The following NUCB2 variants were observed in gnomAD, a reference collection of about 807,000 sequenced individuals.
NUCB2 encodes the protein nucleobindin-2.
Under a neutral mutation model 57.9 loss-of-function variants are expected in NUCB2, and 48 were observed. The ratio of observed to expected loss-of-function variants is 0.83; its 90% CI spans 0.66 to 1.05. The LOEUF (loss-of-function observed/expected upper bound fraction) is 1.05. Among genes scored for constraint, NUCB2 ranks in the 50% least tolerant of loss-of-function variants. NUCB2 has a pLI of 0.00. For synonymous variants in NUCB2, 139 were observed against 152.1 expected (o/e 0.91, Z 0.64); for missense variants, 442 against 476.2 (o/e 0.93, Z 0.67).
At chr11:17,293,147 G>T (rs767296452) in intron 2 of NUCB2, among the ~76,000 whole-genome samples, 2 of 151,770 alleles carry the variant, frequency 1.3e-5, no homozygotes, top group Non-Finnish European at 2.9e-5. Flanking sequence ...CCAGCTACTC[G>T]GGAGGCTGAG....
At chr11:17,344,023 G>T (rs151111059) in intron 2 of NUCB2, among the ~76,000 whole-genome samples, 1 of 152,244 alleles carries the variant, frequency 6.6e-6, no homozygotes, top group East Asian at 1.9e-4. Flanking sequence ...AGTTAGGCAG[G>T]CCCTCATTCC....
At chr11:17,293,364 G>A (rs1301096833) in intron 2 of NUCB2, among the ~76,000 whole-genome samples, 1 of 152,060 alleles carries the variant, frequency 6.6e-6, no homozygotes, top group African/African-American at 2.4e-5. Context: ...GGTAGTCTTG[G>A]CAGGAGAGGA....
At position 17,330,955 on chromosome 11, in the gene NUCB2, G is replaced by C; in HGVS notation, c.1227G>C (p.Gly409=). ...TACAACAAGGAATTCCTCCATCAGG[G>C]CCAGCTGGAGAATTGAAGTTTGAGC... ...KKLQQGIPPS[G]PAGELKFEPH... Residue 409 remains glycine (G), a synonymous_variant, in exon 13 of 14, where the codon GGG becomes GGC. Transcript: ENST00000529010. The surrounding 1 kb of genome is among the most constrained non-coding windows in gnomAD (Gnocchi z 4.3). 1 of 1,609,990 alleles carries C rather than the reference G, an allele frequency of 6.2e-7. No homozygotes were observed. The highest frequency in any genetic ancestry group is 8.5e-7 in the Non-Finnish European group (1 of 1,177,450).
chr11:17,287,172 A>T lies in NUCB2; in HGVS notation c.-1+4229A>T, dbSNP rs146333882. Among the ~76,000 whole-genome samples the T allele has an allele frequency of 6.4e-3, 966 of 151,498 alleles. 5 individuals carry two copies. The highest frequency in any genetic ancestry group is 0.015 in the African/African-American group (621 of 41,334). On this transcript the variant is annotated intron_variant, in intron 2 of 13. Transcript: ENST00000529010. ...TGAAACCACAACTCTACCAAAAAAA[A>T]ATATATATATATATCACCACGCATG...
In NUCB2 at chr11:17,315,379, T is replaced by C. The variant is rs201657748; in HGVS notation, c.913-7T>C. ...TTTATATTATGTATACATTTTGTTT[T>C]AATCAGGTTGATACTAACAAAGACA... On this transcript the variant is annotated splice_polypyrimidine_tract_variant and splice_region_variant and intron_variant, in intron 10 of 13. Transcript: ENST00000529010. 4.8e-5 allele frequency: 74 copies of C among 1,544,634 alleles called. No homozygotes were observed. Among genetic ancestry groups the C allele is most frequent in the Non-Finnish European group, 6.4e-5 (72 of 1,125,970 alleles).
intron 2 of NUCB2, among the ~76,000 whole-genome samples, chr11:17,285,743 CAAAAA>C (rs1159389193): frequency 2.8e-5 from 1 of 36,104 alleles, no homozygotes; most frequent in Admixed American, 2.9e-4. Flanking sequence ...GACTCCGTCT[CAAAAA>C]AAAAAAAAAA....
At chr11:17,323,629 A>G (rs1461713444) in intron 11 of NUCB2, among the ~76,000 whole-genome samples, 1 of 152,138 alleles carries the variant, frequency 6.6e-6, no homozygotes, top group Non-Finnish European at 1.5e-5. Context: ...TTTTTGGAAT[A>G]GTTTGAGTAG....
chr11:17,300,300 C>T (rs1406126786), intron 4 of NUCB2, among the ~76,000 whole-genome samples: 3 of 152,226 alleles, frequency 2.0e-5, no homozygotes, highest in African/African-American at 7.2e-5. Flanking sequence ...GTGGGAGCCA[C>T]TGCACCCTGC....
At chr11:17,321,787 G>A (rs1188710449) in intron 11 of NUCB2, among the ~76,000 whole-genome samples, 2 of 151,872 alleles carry the variant, frequency 1.3e-5, no homozygotes, top group African/African-American at 4.8e-5. Context: ...TTGGATAAAA[G>A]CCATTTTAAC....
At chr11:17,282,258 A>ATAT (rs1388672393) in intron 1 of NUCB2, among the ~76,000 whole-genome samples, 1,036 of 103,372 alleles carry the variant, frequency 0.01, 11 homozygotes, top group Middle Eastern at 0.015. Flanking sequence ...ATATATATAT[A>ATAT]TTTTTTTTTT....
At chr11:17,324,962 C>T (rs774423695) in intron 11 of NUCB2, among the ~76,000 whole-genome samples, 11 of 151,874 alleles carry the variant, frequency 7.2e-5, no homozygotes, top group African/African-American at 9.7e-5. Context: ...CCACAACGCC[C>T]GGCTAATTTT....
In NUCB2 at chr11:17,311,885, TG is replaced by T. The variant is rs752538056; in HGVS notation, c.776del (p.Gly259AspfsTer8). On this transcript the variant is annotated frameshift_variant, in exon 9 of 14. Transcript: ENST00000529010. LOFTEE classifies it high-confidence loss of function. ...FFKLHDVNSD[G>X]FLDEQELEAL... ...TTTAAACTTTAGATGTCAATAGTGA[TG>T]GATTCCTGGATGAACAAGAATTAGA... is the stretch of plus-strand genomic sequence containing the variant. 3.1e-6 allele frequency: 5 copies of T among 1,593,874 alleles called. No homozygotes were observed. Among genetic ancestry groups the T allele is most frequent in the Non-Finnish European group, 4.3e-6 (5 of 1,167,706 alleles).
chr11:17,333,204 C>A (rs1951550963), downstream of NUCB2: 1 of 152,222 alleles, frequency 6.6e-6, no homozygotes, highest in South Asian at 2.1e-4. Context: ...CTAATGTCCT[C>A]AGGGGGCCTT....
At chr11:17,304,772 A>G (rs113478401) in intron 5 of NUCB2, among the ~76,000 whole-genome samples, 4 of 152,204 alleles carry the variant, frequency 2.6e-5, no homozygotes, top group Non-Finnish European at 5.9e-5. Context: ...CAATAGCAAC[A>G]AAGATAAAAT....
At chr11:17,342,488 G>T (rs1369475103) in intron 2 of NUCB2, among the ~76,000 whole-genome samples, 4 of 151,464 alleles carry the variant, frequency 2.6e-5, no homozygotes, top group African/African-American at 9.7e-5. Context: ...CTTTGAATGC[G>T]TCCCAGAGAT....
At chr11:17,286,180 C>T (rs1184909563) in intron 2 of NUCB2, among the ~76,000 whole-genome samples, 2 of 152,138 alleles carry the variant, frequency 1.3e-5, no homozygotes, top group Non-Finnish European at 2.9e-5. Context: ...GGACTACAGG[C>T]ATGTGCCACC....
At chr11:17,317,421 G>T (rs967057149) in intron 11 of NUCB2, among the ~76,000 whole-genome samples, 1 of 152,076 alleles carries the variant, frequency 6.6e-6, no homozygotes, top group Admixed American at 6.6e-5. Context: ...TGCAAACAAA[G>T]ATTTACCTTA....
intron 5 of NUCB2, among the ~76,000 whole-genome samples, chr11:17,308,852 C>A (rs186976500): frequency 6.6e-6 from 1 of 152,134 alleles, no homozygotes; most frequent in Admixed American, 6.5e-5. Context: ...ACAAGGAATT[C>A]TTTCATGTAA....
intron 11 of NUCB2, among the ~76,000 whole-genome samples, chr11:17,317,229 AT>A (rs1949369430): frequency 6.6e-6 from 1 of 152,026 alleles, no homozygotes; most frequent in Admixed American, 6.6e-5. Context: ...CCTCCTCTCT[AT>A]TTTTAATCTC....
Sources: allele counts gnomAD v4.1 joint callset (sites outside exome capture counted in the v4.1 genomes callset), GRCh38; gene constraint gnomAD v4.1.1; non-coding constraint Gnocchi (gnomAD v3.1); transcripts MANE v1.5; gene names NCBI Gene and HGNC (gene_info 2026-07-23, HGNC 2026-07-21).